SUSD5: variants seen among roughly 807,000 people sequenced by gnomAD.
The protein encoded by SUSD5 is sushi domain-containing protein 5.
A neutral mutation model predicts 29.5 loss-of-function variants in SUSD5; 33 were observed. The ratio of observed to expected loss-of-function variants is 1.12; its 90% CI spans 0.85 to 1.49. SUSD5 has a LOEUF of 1.49. Among genes scored for constraint, SUSD5 ranks in the 40% most tolerant of loss-of-function variants. SUSD5 has a pLI of 0.00. For synonymous variants in SUSD5, 308 were observed against 325.3 expected (o/e 0.95, Z 0.57); for missense variants, 776 against 800.6 (o/e 0.97, Z 0.37).
Position 33,178,435 on chromosome 3 carries a change from G to GTT in SUSD5, c.410-3363_410-3362dup, listed in dbSNP as rs140737411. On this transcript the variant is annotated intron_variant, in intron 3 of 4. Transcript: ENST00000309558. ...TGTTCATGAGATACATTGGTCTGTA[G>GTT]TTTTTTTTTTGTTGTTGTTTTGTTT... Among the ~76,000 whole-genome samples, 86 of 147,312 alleles carry GTT rather than the reference G, an allele frequency of 5.8e-4. 1 individual carries two copies. The highest frequency in any genetic ancestry group is 4.0e-3 in the East Asian group (20 of 4,958).
chr3:33,178,508 G>A (rs374291616), intron 3 of SUSD5, among the ~76,000 whole-genome samples: 2 of 151,642 alleles, frequency 1.3e-5, no homozygotes, highest in African/African-American at 4.8e-5. Context: ...GTGCAGTGGC[G>A]TGATTTTGGC....
intron 3 of SUSD5, among the ~76,000 whole-genome samples, chr3:33,196,682 G>A (rs960783329): frequency 4.6e-5 from 7 of 152,146 alleles, no homozygotes; most frequent in African/African-American, 9.7e-5. Context: ...TAGGCTGACC[G>A]TATAGTTTAT....
intron 3 of SUSD5, among the ~76,000 whole-genome samples, chr3:33,177,921 A>C (rs2031585603): frequency 6.6e-6 from 1 of 152,242 alleles, no homozygotes; most frequent in Admixed American, 6.5e-5. Flanking sequence ...TGTTATCTGC[A>C]GACAAAGACA....
chr3:33,212,070 C>A (rs1191738334), intron 2 of SUSD5, among the ~76,000 whole-genome samples: 1 of 152,110 alleles, frequency 6.6e-6, no homozygotes, highest in Non-Finnish European at 1.5e-5. Flanking sequence ...AATAACATAT[C>A]ATTTCAAATA....
chr3:33,202,062 G>GTCTA (rs1199564928), intron 3 of SUSD5, among the ~76,000 whole-genome samples: 10 of 38,976 alleles, frequency 2.6e-4, no homozygotes, highest in South Asian at 6.8e-4. Context: ...CTATCTATCT[G>GTCTA]TCTATCTATC....
At chr3:33,168,694 G>C (rs2031358356) in intron 4 of SUSD5, 1 of 632,662 alleles carries the variant, frequency 1.6e-6, no homozygotes, top group African/African-American at 2.0e-5. Context: ...CCGTTGCCCA[G>C]GCTGGAGTGC....
At chr3:33,169,142 T>C (rs900017944) in intron 4 of SUSD5, among the ~76,000 whole-genome samples, 1 of 152,192 alleles carries the variant, frequency 6.6e-6, no homozygotes, top group South Asian at 2.1e-4. Context: ...CAAGGAAACT[T>C]GGGAATGATG....
intron 3 of SUSD5, among the ~76,000 whole-genome samples, chr3:33,191,133 T>C (rs12493066): frequency 0.013 from 2,051 of 151,980 alleles, 41 homozygotes; most frequent in East Asian, 0.082. Flanking sequence ...TTAGTATACT[T>C]TGTTTTTTTT....
chr3:33,195,512 A>C (rs984318508), intron 3 of SUSD5, among the ~76,000 whole-genome samples: 1 of 152,186 alleles, frequency 6.6e-6, no homozygotes, highest in Non-Finnish European at 1.5e-5. Flanking sequence ...TCACAGTTCT[A>C]GATAAATTGA....
In SUSD5 at chr3:33,218,780, G is replaced by A; in HGVS notation, c.18C>T (p.Pro6=). The A allele has an allele frequency of 6.9e-7, 1 of 1,442,552 alleles. No individual in the cohort carries two copies. 89.4% of individuals were successfully genotyped at this position (1,442,552 alleles called of 1,614,324 possible). MTAEG[P]SPPARWHRRL... ...GTCTGTGCCAACGGGCAGGCGGGCT[G>A]GGTCCCTCGGCAGTCATGGTCCGGG... Residue 6 remains proline (P), a synonymous_variant, in exon 1 of 5, where the codon CCC becomes CCT. Transcript: ENST00000309558.
Position 33,151,206 on chromosome 3 carries a change from G to A in SUSD5, c.*1536C>T, listed in dbSNP as rs1382030130. On this transcript the variant is annotated 3_prime_UTR_variant, in exon 5 of 5. Coordinates refer to ENST00000309558, the MANE Select transcript of SUSD5 (RefSeq NM_015551.2). Reference sequence around the variant, plus strand: ...GGAGGGCTTGTTAAAAACAGAACTGGGCCCTACTCCCAGGGTTCCTGTTTC... The same window carrying A: ...GGAGGGCTTGTTAAAAACAGAACTGAGCCCTACTCCCAGGGTTCCTGTTTC... The A allele has an allele frequency of 2.0e-5, 3 of 152,282 alleles. No individual in the cohort carries two copies. The highest frequency in any genetic ancestry group is 3.4e-3 in the Middle Eastern group (1 of 292). The allele number at this position is 152,282 out of a possible 1,614,324, so 9.4% of individuals were successfully genotyped here. A position where few individuals can be genotyped will look rare whatever the true frequency, so the allele number is the denominator to read the frequency against.
intron 3 of SUSD5, among the ~76,000 whole-genome samples, chr3:33,194,873 T>A (rs1252669130): frequency 6.6e-6 from 1 of 152,210 alleles, no homozygotes; most frequent in Admixed American, 6.5e-5. Flanking sequence ...TTTTCTTTTT[T>A]CTTTGTTTAG....
chr3:33,180,462 G>A (rs2125622750), intron 3 of SUSD5, among the ~76,000 whole-genome samples: 1 of 152,286 alleles, frequency 6.6e-6, no homozygotes, highest in Admixed American at 6.5e-5. Flanking sequence ...CTGGGCTCAA[G>A]TGATCCTCTT....
At chr3:33,209,166 T>C (rs1315616722) in intron 2 of SUSD5, among the ~76,000 whole-genome samples, 1 of 152,210 alleles carries the variant, frequency 6.6e-6, no homozygotes, top group Non-Finnish European at 1.5e-5. Context: ...CAGTTTATTG[T>C]TGCTCCTTTA....
At chr3:33,198,987 G>A (rs555396878) in intron 3 of SUSD5, among the ~76,000 whole-genome samples, 1 of 152,136 alleles carries the variant, frequency 6.6e-6, no homozygotes, top group Non-Finnish European at 1.5e-5. Flanking sequence ...CACAGACCCT[G>A]GCCTCAAGAA....
At chr3:33,191,578 T>A (rs904605551) in intron 3 of SUSD5, among the ~76,000 whole-genome samples, 1 of 152,008 alleles carries the variant, frequency 6.6e-6, no homozygotes, top group Non-Finnish European at 1.5e-5. Context: ...GTGGAACCGA[T>A]GGATGAAAGG....
intron 3 of SUSD5, among the ~76,000 whole-genome samples, chr3:33,195,931 T>C (rs2031986875): frequency 6.6e-6 from 1 of 152,210 alleles, no homozygotes; most frequent in South Asian, 2.1e-4. Flanking sequence ...ATATTTATAA[T>C]AGAAAATCTA....
rs201955772 is a variant in SUSD5, at chr3:33,161,298, CTATT to C, written c.599-7269_599-7266del. On this transcript the variant is annotated intron_variant, in intron 4 of 4. Coordinates refer to ENST00000309558, the MANE Select transcript of SUSD5 (RefSeq NM_015551.2). Reference sequence around the variant, plus strand: ...TTAAATTAGCCAGGAAATGGTGTAACTATTAATTAATATTAAACTTCTATATGTC... The same window carrying C: ...TTAAATTAGCCAGGAAATGGTGTAACAATTAATATTAAACTTCTATATGTC... Among the ~76,000 whole-genome samples the C allele has an allele frequency of 9.0e-3, 1,369 of 152,230 alleles. 9 individuals carry two copies. The highest frequency in any genetic ancestry group is 0.014 in the Non-Finnish European group (942 of 68,016).
rs932720122 is a variant in SUSD5 at position 33,153,334 on chromosome 3, T to C, written c.1298A>G (p.His433Arg). The change falls in exon 5 of 5, where the codon CAT (histidine) becomes CGT (arginine). Residue 433 changes from histidine (H) to arginine (R), a missense_variant. Coordinates refer to ENST00000309558, the MANE Select transcript of SUSD5 (RefSeq NM_015551.2). ...CATTTGAGATGGAAGAACTGAACTA[T>C]GGGTCATGCCCTCGCTTGGTGTGAG... ...STLTPSEGMT[H>R]SSVLPSQMLD... is the part of the protein sequence containing the mutation. 17 of 1,613,820 alleles carry C rather than the reference T, an allele frequency of 1.1e-5. No individual in the cohort carries two copies. The highest frequency in any genetic ancestry group is 4.4e-5 in the South Asian group (4 of 91,068).
Sources: allele counts gnomAD v4.1 joint callset (sites outside exome capture counted in the v4.1 genomes callset), GRCh38; gene constraint gnomAD v4.1.1; transcripts MANE v1.5; gene names NCBI Gene and HGNC (gene_info 2026-07-23, HGNC 2026-07-21).